Variants in CDH23 observed in about 807,000 individuals in gnomAD.
CDH23 encodes cadherin-23.
Under a neutral mutation model 317.1 loss-of-function variants are expected in CDH23, and 189 were observed. That is an observed-to-expected ratio of 0.60 (90% confidence interval 0.53 to 0.67). The LOEUF (loss-of-function observed/expected upper bound fraction) is 0.67, where lower values mean the gene tolerates loss of function less well. CDH23 is among the 30% of genes least tolerant of loss of function. CDH23 has a pLI of 0.00. For synonymous variants in CDH23, 1,839 were observed against 1,876.8 expected (o/e 0.98, Z 0.52); for missense variants, 4,401 against 4,592.4 (o/e 0.96, Z 1.20).
rs1589271169 is a variant in CDH23, at chr10:71,622,409, T to G, written c.1134+5016T>G. On this transcript the variant is annotated intron_variant, in intron 11 of 69. Coordinates refer to ENST00000224721, the MANE Select transcript of CDH23 (RefSeq NM_022124.6). ...CATGGGGACAGTTTGTTGCGCGGGT[T>G]GGAATTTTCTGTTCAGTTGTCCTAG... 2.6e-5 allele frequency among the ~76,000 whole-genome samples: 4 copies of G among 152,246 alleles called. No homozygotes were observed. In the East Asian group the frequency reaches 7.7e-4, roughly 29 times the overall value.
At chr10:71,640,890 GACCACACTTGGAGA>G (rs1253221485) in intron 11 of CDH23, among the ~76,000 whole-genome samples, 5 of 152,210 alleles carry the variant, frequency 3.3e-5, no homozygotes, top group Non-Finnish European at 7.4e-5. Context: ...GTGGTCCCAG[GACCACACTTGGAGA>G]ACCACTGTTT....
intron 38 of CDH23, among the ~76,000 whole-genome samples, chr10:71,753,365 A>G (rs1035240796): frequency 2.0e-5 from 3 of 152,156 alleles, no homozygotes; most frequent in Non-Finnish European, 2.9e-5. Context: ...GCAAAGGTCA[A>G]CTCTTGAATT....
intron 41 of CDH23, among the ~76,000 whole-genome samples, chr10:71,781,764 C>A (rs375553176): frequency 1.2e-4 from 18 of 152,252 alleles, no homozygotes; most frequent in African/African-American, 4.3e-4. Context: ...GAGGCTTCCT[C>A]CCCCAAGGAA....
At chr10:71,656,156 A>C (rs755261317) in intron 14 of CDH23, among the ~76,000 whole-genome samples, 30 of 152,166 alleles carry the variant, frequency 2.0e-4, no homozygotes, top group Non-Finnish European at 4.1e-4. Flanking sequence ...GGCCAAGGGT[A>C]GGGAGGTGTA....
intron 6 of CDH23, among the ~76,000 whole-genome samples, chr10:71,541,733 C>T (rs57749710): frequency 8.1e-4 from 124 of 152,282 alleles, no homozygotes; most frequent in African/African-American, 2.9e-3. Context: ...ATGTTCAAGG[C>T]TTTGCAGGCC....
intron 2 of CDH23, 41 bp from the exon 3 acceptor site, chr10:71,446,277 T>TG (rs765951640): frequency 7.6e-6 from 12 of 1,582,700 alleles, no homozygotes; most frequent in African/African-American, 1.3e-5. Flanking sequence ...GTAAAGCTGA[T>TG]GGGGGGTACT....
chr10:71,509,118 C>T (rs1009093420), intron 3 of CDH23, among the ~76,000 whole-genome samples: 2 of 152,202 alleles, frequency 1.3e-5, no homozygotes, highest in African/African-American at 4.8e-5. Context: ...GCCTCTCAAT[C>T]CCCTTCTTGA....
At chr10:71,680,010 G>A (rs1053394342) in intron 17 of CDH23, among the ~76,000 whole-genome samples, 8 of 152,224 alleles carry the variant, frequency 5.3e-5, no homozygotes, top group African/African-American at 1.9e-4. Context: ...CCCAGAGACA[G>A]GGAGCAACTT....
At chr10:71,566,138 C>T (rs1589214942) in intron 6 of CDH23, among the ~76,000 whole-genome samples, 2 of 152,130 alleles carry the variant, frequency 1.3e-5, no homozygotes, top group East Asian at 3.9e-4. Flanking sequence ...GAGAGGGGCG[C>T]CCTGCATCTG....
chr10:71,815,186 CG>C lies in CDH23; in HGVS notation c.9974del (p.Arg3325ProfsTer19). ...LTAAEATAFE[R>X]NARTESAKST... is the part of the protein sequence containing the mutation. ...CGCTGCCGAGGCCACTGCCTTCGAG[CG>C]CAACGCCCGCACAGAATCCGCCAAA... On this transcript the variant is annotated frameshift_variant, in exon 70 of 70. Transcript: ENST00000224721. LOFTEE classifies it high-confidence loss of function. The C allele has an allele frequency of 6.2e-7, 1 of 1,610,412 alleles. No individual in the cohort carries two copies. The highest frequency in any genetic ancestry group is 8.5e-7 in the Non-Finnish European group (1 of 1,178,084).
chr10:71,725,294 C>T (rs1451556235), intron 29 of CDH23, 78 bp from the exon 30 acceptor site: 52 of 1,603,368 alleles, frequency 3.2e-5, no homozygotes, highest in Admixed American at 2.8e-4. Context: ...GAACTTCTGC[C>T]CCCAACCATG....
intron 19 of CDH23, among the ~76,000 whole-genome samples, chr10:71,688,267 C>T (rs1049723973): frequency 5.3e-5 from 8 of 152,250 alleles, no homozygotes; most frequent in Non-Finnish European, 1.0e-4. Flanking sequence ...CTGGCAGCTT[C>T]GCCCTTACCC....
At chr10:71,716,245 C>T (rs1362904027) in intron 28 of CDH23, 5 of 1,549,582 alleles carry the variant, frequency 3.2e-6, no homozygotes, top group Admixed American at 2.0e-5. Context: ...GGTCAGTTGC[C>T]TCTGCAAGGG....
At chr10:71,579,115 A>C (rs546602240) in intron 9 of CDH23, among the ~76,000 whole-genome samples, 3 of 152,322 alleles carry the variant, frequency 2.0e-5, no homozygotes, top group Admixed American at 6.5e-5. Context: ...TAACGTATGT[A>C]AAGTACCACG....
At chr10:71,633,371 C>A (rs1161331903) in intron 11 of CDH23, among the ~76,000 whole-genome samples, 1 of 152,052 alleles carries the variant, frequency 6.6e-6, no homozygotes, top group East Asian at 1.9e-4. Context: ...TGCCTTTATC[C>A]CTTCGTCCAT....
intron 38 of CDH23, among the ~76,000 whole-genome samples, chr10:71,759,921 AC>A: frequency 1.6e-5 from 1 of 61,336 alleles, no homozygotes; most frequent in Non-Finnish European, 3.7e-5. Flanking sequence ...ACACATATAT[AC>A]ACACACACAT....
Position 71,792,852 on chromosome 10 carries a change from AATATAT to A in CDH23, c.6254-311_6254-306del, listed in dbSNP as rs1554874675. 1.3e-3 allele frequency among the ~76,000 whole-genome samples: 50 copies of A among 38,512 alleles called. 2 individuals carry two copies. The highest frequency in any genetic ancestry group is 0.011 in the South Asian group (11 of 1,018). 25.3% of individuals were successfully genotyped at this position (38,512 alleles called of 152,430 possible). On this transcript the variant is annotated intron_variant, in intron 47 of 69. Transcript: ENST00000224721. ...AAAAAAAAAAAAAAAAAAAAAAAAA[AATATAT>A]ATATATATATATATATATGTCTCAA...
intron 6 of CDH23, among the ~76,000 whole-genome samples, chr10:71,553,364 C>G (rs1372858875): frequency 6.6e-6 from 1 of 152,190 alleles, no homozygotes; most frequent in East Asian, 1.9e-4. Flanking sequence ...CGAACCTTCC[C>G]CAGCTCTGTC....
chr10:71,758,731 A>G (rs531670296), intron 38 of CDH23, among the ~76,000 whole-genome samples: 4 of 152,294 alleles, frequency 2.6e-5, no homozygotes, highest in African/African-American at 9.6e-5. Context: ...TAGAGTTCTT[A>G]TAAGAATTCC....
Sources: gnomAD v4.1 joint callset for allele counts (sites outside exome capture counted in the v4.1 genomes callset) on GRCh38, gnomAD v4.1.1 for gene constraint, MANE v1.5 for transcripts, NCBI Gene and HGNC (gene_info 2026-07-23, HGNC 2026-07-21) for gene names.